Variants in OVOL2 observed in about 807,000 individuals in gnomAD.
OVOL2 encodes ovo like zinc finger 2.
In OVOL2, 13 loss-of-function variants were observed where a neutral mutation model predicts 18.1. The observed-to-expected ratio is 0.72, with a 90% CI of 0.47 to 1.14. The LOEUF (loss-of-function observed/expected upper bound fraction) is 1.14, where lower values mean the gene tolerates loss of function less well. Ranked by LOEUF, OVOL2 falls within the 50% of genes most tolerant of loss-of-function variation. OVOL2 has a pLI of 0.00. For missense variants in OVOL2, 335 were observed against 383.0 expected, an observed-to-expected ratio of 0.87 and a Z score of 1.05; for synonymous variants, 166 against 162.7, an observed-to-expected ratio of 1.02 and a Z score of -0.16.
In OVOL2 at chr20:18,056,544, G is replaced by C. The variant is rs939208025; in HGVS notation, c.321+113C>G. ...CAGGAGCGGCGCGGCGGGCGCGCTC[G>C]GGGCGCGGGTGCCGGGTTGCGCAGG... On this transcript the variant is annotated intron_variant, in intron 2 of 3. Coordinates refer to ENST00000278780, the MANE Select transcript of OVOL2 (RefSeq NM_021220.4). The surrounding 1 kb of genome is among the most constrained non-coding windows in gnomAD (Gnocchi z 4.2). The C allele has an allele frequency of 2.2e-5, 25 of 1,114,686 alleles. No individual in the cohort carries two copies. Among genetic ancestry groups the C allele is most frequent in the Middle Eastern group, 7.7e-4 (2 of 2,600 alleles). The allele number at this position is 1,114,686 out of a possible 1,614,324, so 69.0% of individuals were successfully genotyped here. A position where few individuals can be genotyped will look rare whatever the true frequency, so the allele number is the denominator to read the frequency against.
In OVOL2 at chr20:18,057,652, C is replaced by G. The variant is rs1057089387; in HGVS notation, c.-18G>C. On this transcript the variant is annotated 5_prime_UTR_variant, in exon 1 of 4. Transcript: ENST00000278780. The surrounding 1 kb of genome is among the most constrained non-coding windows in gnomAD (Gnocchi z 6.3). ...TTGGGCATGGTGGGGTCCCCTCTCC[C>G]GACTGCGGCCCCCTCCTCCCGGCTG... 6.4e-6 allele frequency: 10 copies of G among 1,554,194 alleles called. No homozygotes were observed. In the South Asian group the frequency reaches 1.2e-4, roughly 18 times the overall value.
intron 3 of OVOL2, among the ~76,000 whole-genome samples, chr20:18,027,111 A>AT (rs34624741): frequency 0.63 from 94,671 of 150,114 alleles, 29,761 homozygotes; most frequent in East Asian, 0.76. Context: ...TCAAAGTTGA[A>AT]TTTTTTTTTT....
Position 18,056,812 on chromosome 20 carries a change from C to CGCT in OVOL2, c.163_165dup (p.Ser55dup). 1 of 1,491,654 alleles carries CGCT rather than the reference C, an allele frequency of 6.7e-7. No individual in the cohort carries two copies. Among genetic ancestry groups the CGCT allele is most frequent in the Non-Finnish European group, 8.9e-7 (1 of 1,128,054 alleles). The allele number at this position is 1,491,654 out of a possible 1,614,324, so 92.4% of individuals were successfully genotyped here. A position where few individuals can be genotyped will look rare whatever the true frequency, so the allele number is the denominator to read the frequency against. ...TCCCCCGCGCTGCTGCTGCCGCTGC[C>CGCT]GCTGCTGCTGCCGCCGTCGCTGCGG... On this transcript the variant is annotated inframe_insertion, in exon 2 of 4. Transcript: ENST00000278780. This position sits in a 1 kb window ranked among gnomAD's most constrained non-coding sequence, Gnocchi z 4.2.
At chr20:18,048,304 T>G (rs2122719416) in intron 2 of OVOL2, among the ~76,000 whole-genome samples, 1 of 152,202 alleles carries the variant, frequency 6.6e-6, no homozygotes, top group East Asian at 1.9e-4. Flanking sequence ...AAAAAAAATT[T>G]GTTTCCCAAT....
chr20:18,024,440 C>A lies in OVOL2; in HGVS notation c.*196G>T. ...GTGAGCAACTGCGCCAGACAGGACA[C>A]AGGTTACAGGGCCTGACGTCACTAA... On this transcript the variant is annotated 3_prime_UTR_variant, in exon 4 of 4. Transcript: ENST00000278780. The A allele has an allele frequency of 1.6e-6, 2 of 1,222,620 alleles. No homozygotes were observed. Among genetic ancestry groups the A allele is most frequent in the South Asian group, 1.9e-5 (1 of 52,012 alleles). 75.7% of individuals were successfully genotyped at this position (1,222,620 alleles called of 1,614,324 possible).
chr20:18,024,585 C>T lies in OVOL2; in HGVS notation c.*51G>A, dbSNP rs369094419. ...GTGGGGGAAGCTGAAAACCAAAAAT[C>T]CACGTAGACATACGTGGCAGTGTGA... On this transcript the variant is annotated 3_prime_UTR_variant, in exon 4 of 4. Coordinates refer to ENST00000278780, the MANE Select transcript of OVOL2 (RefSeq NM_021220.4). The T allele has an allele frequency of 1.3e-6, 2 of 1,491,810 alleles. No homozygotes were observed. Among genetic ancestry groups the T allele is most frequent in the South Asian group, 1.4e-5 (1 of 73,724 alleles). 92.4% of individuals were successfully genotyped at this position (1,491,810 alleles called of 1,614,324 possible).
At chr20:18,045,653 AT>A in intron 2 of OVOL2, among the ~76,000 whole-genome samples, 1 of 151,902 alleles carries the variant, frequency 6.6e-6, no homozygotes, top group Admixed American at 6.6e-5. Flanking sequence ...TTTGTTTTTA[AT>A]TTTTTTTAGA....
intron 3 of OVOL2, among the ~76,000 whole-genome samples, chr20:18,035,989 C>A (rs1266550177): frequency 1.3e-5 from 2 of 152,106 alleles, no homozygotes; most frequent in African/African-American, 4.8e-5. Context: ...AATGTAAAAT[C>A]CATATTAAAA....
intron 3 of OVOL2, 135 bp downstream of exon 3, chr20:18,041,399 G>A (rs1001062273): frequency 9.0e-5 from 99 of 1,094,892 alleles, no homozygotes; most frequent in Admixed American, 3.7e-4. Flanking sequence ...TCCTAACCTC[G>A]TGATCCGCAT....
At chr20:18,036,285 C>T (rs1404056868) in intron 3 of OVOL2, among the ~76,000 whole-genome samples, 1 of 152,122 alleles carries the variant, frequency 6.6e-6, no homozygotes, top group East Asian at 1.9e-4. Context: ...AAGAGCAAAA[C>T]TCCATCTCAA....
rs1402220320 is a variant in OVOL2, at chr20:18,057,386, C to A, written c.100+149G>T. On this transcript the variant is annotated intron_variant, in intron 1 of 3. Transcript: ENST00000278780. The surrounding 1 kb of genome is among the most constrained non-coding windows in gnomAD (Gnocchi z 6.3). The stretch of plus-strand genomic sequence containing the variant: ...GGGCATCCCAGTCCCTCATTGCCTG[C>A]CCTAACCCGCCTAGAAGACCCCCGC... 4.4e-6 allele frequency: 4 copies of A among 916,936 alleles called. No individual in the cohort carries two copies. The African/African-American group carries it at 6.9e-5, about 16-fold the overall frequency. 56.8% of individuals were successfully genotyped at this position (916,936 alleles called of 1,614,324 possible). A position where few individuals can be genotyped will look rare whatever the true frequency, so the allele number is the denominator to read the frequency against.
chr20:18,058,412 C>CG (rs1379383849), upstream of OVOL2, among the ~76,000 whole-genome samples: 5 of 142,286 alleles, frequency 3.5e-5, no homozygotes, highest in East Asian at 9.8e-4. Flanking sequence ...ACACCCCCCC[C>CG]CCATAAGCAG....
chr20:18,046,407 G>C (rs1480159580), intron 2 of OVOL2, among the ~76,000 whole-genome samples: 1 of 152,158 alleles, frequency 6.6e-6, no homozygotes, highest in African/African-American at 2.4e-5. Context: ...AGCCATGTGA[G>C]TGAGCCCTTG....
intron 2 of OVOL2, 77 bp from the exon 3 acceptor site, chr20:18,041,800 C>T: frequency 1.4e-6 from 2 of 1,397,354 alleles, no homozygotes; most frequent in Non-Finnish European, 2.0e-6. Flanking sequence ...GACCCACCTC[C>T]CTGTGTCTTG....
intron 3 of OVOL2, among the ~76,000 whole-genome samples, chr20:18,037,127 C>T (rs1429084994): frequency 1.7e-5 from 2 of 115,682 alleles, no homozygotes; most frequent in Non-Finnish European, 3.8e-5. Context: ...CAGAGCGAGA[C>T]TCCGTCTCAA....
chr20:18,056,972 G>A lies in OVOL2; in HGVS notation c.101-95C>T, dbSNP rs977264713. Reference sequence around the variant, plus strand: ...CTGCGGGCGGTGCTGCCGCCGCCCCGCCCCGGACCTGGGCACCTCGCCAAG... The same window carrying A: ...CTGCGGGCGGTGCTGCCGCCGCCCCACCCCGGACCTGGGCACCTCGCCAAG... On this transcript the variant is annotated intron_variant, in intron 1 of 3. Coordinates refer to ENST00000278780, the MANE Select transcript of OVOL2 (RefSeq NM_021220.4). This position sits in a 1 kb window ranked among gnomAD's most constrained non-coding sequence, Gnocchi z 4.2. The A allele has an allele frequency of 2.7e-4, 363 of 1,337,308 alleles. No individual in the cohort carries two copies. The highest frequency in any genetic ancestry group is 3.4e-4 in the Non-Finnish European group (351 of 1,040,290). 82.8% of individuals were successfully genotyped at this position (1,337,308 alleles called of 1,614,324 possible).
At chr20:18,029,189 G>C (rs564292856) in intron 3 of OVOL2, among the ~76,000 whole-genome samples, 1 of 152,138 alleles carries the variant, frequency 6.6e-6, no homozygotes, top group East Asian at 1.9e-4. Flanking sequence ...ACAATGTCCA[G>C]CTAACTTTTG....
At chr20:18,052,190 G>T (rs1463334864) in intron 2 of OVOL2, among the ~76,000 whole-genome samples, 3 of 152,120 alleles carry the variant, frequency 2.0e-5, no homozygotes. Context: ...CCAGACTGTT[G>T]GGGACTCTAC....
chr20:18,051,073 T>C (rs2122723112), intron 2 of OVOL2, among the ~76,000 whole-genome samples: 2 of 152,150 alleles, frequency 1.3e-5, no homozygotes, highest in South Asian at 4.1e-4. Context: ...CACAACAAAA[T>C]GAATGAAATA....
Sources: gnomAD v4.1 joint callset for allele counts (sites outside exome capture counted in the v4.1 genomes callset) on GRCh38, gnomAD v4.1.1 for gene constraint, Gnocchi (gnomAD v3.1) non-coding constraint, MANE v1.5 for transcripts, NCBI Gene and HGNC (gene_info 2026-07-23, HGNC 2026-07-21) for gene names.